Variants in TTC7A observed in about 807,000 individuals in gnomAD.
The protein encoded by TTC7A is tetratricopeptide repeat domain 7A.
TTC7A carries 110 observed loss-of-function variants against 103.7 expected under a neutral mutation model. The observed-to-expected ratio is 1.06, with a 90% confidence interval of 0.91 to 1.24. TTC7A has a LOEUF of 1.24. TTC7A is among the 50% of genes most tolerant of loss of function. TTC7A has a pLI of 0.00. For synonymous variants in TTC7A, 521 were observed against 467.9 expected (o/e 1.11, Z -1.47); for missense variants, 1,340 against 1,116.3 (o/e 1.20, Z -2.86).
At position 46,941,490 on chromosome 2, in the gene TTC7A, G is replaced by T. The variant is rs1471046596; in HGVS notation, c.-52G>T. On this transcript the variant is annotated 5_prime_UTR_variant, in exon 1 of 20. Transcript: ENST00000319190. This position sits in a 1 kb window ranked among gnomAD's most constrained non-coding sequence, Gnocchi z 4.2. ...GCGCCCCAGCCAGGACGCCGCCCCC[G>T]GCCGGGTCTCCACTTCTTGGCCGCA... is the stretch of plus-strand genomic sequence containing the variant. The T allele has an allele frequency of 2.6e-6, 4 of 1,524,162 alleles. No individual in the cohort carries two copies. The highest frequency in any genetic ancestry group is 5.3e-5 in the East Asian group (2 of 38,062). 94.4% of individuals were successfully genotyped at this position (1,524,162 alleles called of 1,614,324 possible). A position where few individuals can be genotyped will look rare whatever the true frequency, so the allele number is the denominator to read the frequency against.
At position 47,002,970 on chromosome 2, in the gene TTC7A, C is replaced by T. The variant is rs112072295; in HGVS notation, c.1066-2952C>T. ...CTGCCTATTGAGGGCCTATCACCAG[C>T]CTGAGGATTTGTGCTGCTGCTGCTG... On this transcript the variant is annotated intron_variant, in intron 8 of 19. Transcript: ENST00000319190. Among the ~76,000 whole-genome samples, 373 of 152,284 alleles carry T rather than the reference C, an allele frequency of 2.4e-3. 1 individual carries two copies. The highest frequency in any genetic ancestry group is 4.2e-3 in the Non-Finnish European group (286 of 68,016).
chr2:46,941,319 G>C lies in TTC7A; in HGVS notation c.-223G>C, dbSNP rs562615201. 3.2e-3 allele frequency: 680 copies of C among 211,168 alleles called. 8 individuals carry two copies. The highest frequency in any genetic ancestry group is 0.015 in the African/African-American group (657 of 42,840). The allele number at this position is 211,168 out of a possible 1,614,324, so 13.1% of individuals were successfully genotyped here. ...CTGTACGCGTACGGGCCGCTCGGCC[G>C]GAGCCGCAGCCCGGAGGCGCCGGGC... On this transcript the variant is annotated 5_prime_UTR_variant, in exon 1 of 20. Transcript: ENST00000319190. This position sits in a 1 kb window ranked among gnomAD's most constrained non-coding sequence, Gnocchi z 4.2.
chr2:47,047,392 T>A, intron 16 of TTC7A: 1 of 1,212,326 alleles, frequency 8.2e-7, no homozygotes. Context: ...TTTTCAGGCC[T>A]GGGAGACCAG....
chr2:46,927,796 T>C (rs1159068325), intron 2 of TTC7A, among the ~76,000 whole-genome samples: 1 of 151,586 alleles, frequency 6.6e-6, no homozygotes, highest in Admixed American at 6.6e-5. Flanking sequence ...TAAAATATCC[T>C]TCAAGAGTAA....
chr2:46,955,890 T>C (rs1671813766), intron 2 of TTC7A, among the ~76,000 whole-genome samples: 1 of 152,152 alleles, frequency 6.6e-6, no homozygotes, highest in South Asian at 2.1e-4. Context: ...GCGGGAGCAG[T>C]GCCCAGGGCC....
intron 1 of TTC7A, among the ~76,000 whole-genome samples, chr2:46,944,981 C>G (rs1463449723): frequency 6.6e-6 from 1 of 152,216 alleles, no homozygotes; most frequent in Non-Finnish European, 1.5e-5. Context: ...GGTTAGGTCT[C>G]TGTACCCCAC....
intron 1 of TTC7A, among the ~76,000 whole-genome samples, chr2:46,949,329 G>A (rs1277655570): frequency 4.0e-5 from 6 of 151,746 alleles, no homozygotes; most frequent in South Asian, 2.1e-4. Context: ...TCCGTCTCCC[G>A]AATTCAGGCA....
rs139029902 is a variant in TTC7A, at chr2:47,006,964, C to T, written c.1287+240C>T. Among the ~76,000 whole-genome samples the T allele has an allele frequency of 2.1e-3, 318 of 152,242 alleles. 4 individuals carry two copies. The highest frequency in any genetic ancestry group is 1.4e-3 in the Non-Finnish European group (95 of 67,998). ...GAGTCTGTGGATGCTTTTCTCTGAG[C>T]GTGCGTACATGCATGGGAGCACTGT... On this transcript the variant is annotated intron_variant, in intron 10 of 19. Transcript: ENST00000319190.
chr2:47,056,918 A>G (rs1023650966), intron 18 of TTC7A, among the ~76,000 whole-genome samples: 8 of 151,060 alleles, frequency 5.3e-5, no homozygotes, highest in African/African-American at 1.7e-4. Context: ...CCTCCCCCCC[A>G]TCCAGCCCCG....
intron 10 of TTC7A, among the ~76,000 whole-genome samples, chr2:47,008,903 CA>C (rs774395318): frequency 0.16 from 19,440 of 118,560 alleles, 1,249 homozygotes; most frequent in African/African-American, 0.21. Context: ...ACCAGCATGA[CA>C]AAAAAAAAAA....
chr2:46,944,979 C>T (rs1026214258), intron 1 of TTC7A, among the ~76,000 whole-genome samples: 1 of 152,298 alleles, frequency 6.6e-6, no homozygotes, highest in East Asian at 1.9e-4. Context: ...TAGGTTAGGT[C>T]TCTGTACCCC....
intron 2 of TTC7A, among the ~76,000 whole-genome samples, chr2:46,954,472 C>T (rs527616685): frequency 6.6e-6 from 1 of 151,190 alleles, no homozygotes; most frequent in South Asian, 2.1e-4. Flanking sequence ...AAAATAGCAG[C>T]AAAATGATAC....
intron 2 of TTC7A, chr2:46,951,494 A>AAAACTC: frequency 2.3e-6 from 1 of 444,306 alleles, no homozygotes; most frequent in South Asian, 1.6e-5. Context: ...GGGGTAAAAA[A>AAAACTC]AAACTCAAAG....
intron 2 of TTC7A, among the ~76,000 whole-genome samples, chr2:46,922,785 A>G (rs1669174511): frequency 6.6e-6 from 1 of 152,150 alleles, no homozygotes; most frequent in Non-Finnish European, 1.5e-5. Context: ...ATTCTGCAGC[A>G]GACACCAGCT....
intron 5 of TTC7A, among the ~76,000 whole-genome samples, chr2:46,991,209 C>A (rs1053249180): frequency 1.6e-4 from 25 of 151,860 alleles, no homozygotes; most frequent in African/African-American, 5.8e-4. Flanking sequence ...AGCCACCACA[C>A]GTGGCCCACC....
chr2:46,995,704 A>G (rs1676108651), intron 8 of TTC7A, among the ~76,000 whole-genome samples: 1 of 152,334 alleles, frequency 6.6e-6, no homozygotes, highest in East Asian at 1.9e-4. Context: ...CACAAAGGTA[A>G]GTGTGCCTAT....
At chr2:47,061,117 C>T in intron 19 of TTC7A, 146 bp downstream of exon 19, 1 of 820,328 alleles carries the variant, frequency 1.2e-6, no homozygotes, top group South Asian at 1.8e-5. Flanking sequence ...GGGGGCTTCC[C>T]TCCTGCTCTG....
intron 15 of TTC7A, among the ~76,000 whole-genome samples, chr2:47,030,849 C>T (rs1432161917): frequency 1.3e-5 from 2 of 152,192 alleles, no homozygotes; most frequent in Non-Finnish European, 2.9e-5. Context: ...CAGCAGCATT[C>T]AAGAGACTAC....
At chr2:47,029,930 A>G (rs1414547541) in intron 15 of TTC7A, among the ~76,000 whole-genome samples, 1 of 152,206 alleles carries the variant, frequency 6.6e-6, no homozygotes, top group Non-Finnish European at 1.5e-5. Flanking sequence ...AAGTGGTGGT[A>G]GGACACAGAG....
Sources: allele counts gnomAD v4.1 joint callset (sites outside exome capture counted in the v4.1 genomes callset), GRCh38; gene constraint gnomAD v4.1.1; non-coding constraint Gnocchi (gnomAD v3.1); transcripts MANE v1.5; gene names NCBI Gene and HGNC (gene_info 2026-07-23, HGNC 2026-07-21).